The following NFRKB variants were observed in gnomAD, a reference collection of about 807,000 sequenced individuals.
NFRKB encodes nuclear factor related to kappaB binding protein.
In NFRKB, 62 loss-of-function variants were observed where a neutral mutation model predicts 135.7. The observed-to-expected ratio is 0.46, with a 90% CI of 0.37 to 0.56. NFRKB has a LOEUF of 0.56. Among genes scored for constraint, NFRKB ranks in the 20% least tolerant of loss-of-function variants. The pLI is 0.00. For missense variants in NFRKB, 1,545 were observed against 1,662.0 expected (o/e 0.93, Z 1.22); for synonymous variants, 678 against 635.6 (o/e 1.07, Z -1.00).
At position 129,878,310 on chromosome 11, in the gene NFRKB, C is replaced by A; in HGVS notation, c.1510G>T (p.Val504Leu). The A allele has an allele frequency of 6.2e-7, 1 of 1,614,178 alleles. No homozygotes were observed. Among genetic ancestry groups the A allele is most frequent in the Non-Finnish European group, 8.5e-7 (1 of 1,180,024 alleles). The stretch of plus-strand genomic sequence containing the variant: ...CCACCACTACAGTATTGTACTCACA[C>A]CCGAGGGACAGGTGTTGTGGCATCT... The part of the protein sequence containing the change: ...SSDATTPVPR[V>L]RTDYVVRPST... Residue 504 changes from valine to leucine, a missense_variant and splice_region_variant, in exon 15 of 27, where the codon GTA (valine) becomes TTA (leucine). Around this residue, in one of 3 missense-constraint regions of NFRKB, gnomAD observed 678 missense variants for 646.7 expected, o/e 1.05. Coordinates refer to ENST00000682444, the MANE Select transcript of NFRKB (RefSeq NM_001143835.2).
intron 15 of NFRKB, among the ~76,000 whole-genome samples, chr11:129,877,665 AG>A (rs1159855795): frequency 6.6e-6 from 1 of 152,184 alleles, no homozygotes; most frequent in African/African-American, 2.4e-5. Context: ...GCTGTTAAGT[AG>A]GTCCGTTCTA....
rs779467487 is a variant in NFRKB at position 129,882,432 on chromosome 11, A to T, written c.1082+19T>A. 8.1e-6 allele frequency: 13 copies of T among 1,610,158 alleles called. No homozygotes were observed. Among genetic ancestry groups the T allele is most frequent in the Non-Finnish European group, 1.0e-5 (12 of 1,178,426 alleles). On this transcript the variant is annotated intron_variant, in intron 10 of 26. Transcript: ENST00000682444. ...ACCCATTCACCCTGAGAATTACAGA[A>T]TCTCTGTTGCTCACTTACTCTTCCT... is the stretch of plus-strand genomic sequence containing the variant.
chr11:129,885,626 T>G lies in NFRKB; in HGVS notation c.466-17A>C, dbSNP rs997906581. The G allele has an allele frequency of 6.3e-7, 1 of 1,595,694 alleles. No individual in the cohort carries two copies. Among genetic ancestry groups the G allele is most frequent in the Non-Finnish European group, 8.6e-7 (1 of 1,167,434 alleles). ...CAGCAGATCCTAGGTAGAGATCAGG[T>G]GGGGGTACAAGTCATCATCCAAGAC... On this transcript the variant is annotated splice_polypyrimidine_tract_variant and intron_variant, in intron 5 of 26. Coordinates refer to ENST00000682444, the MANE Select transcript of NFRKB (RefSeq NM_001143835.2).
rs557873701 is a variant in NFRKB at position 129,878,187 on chromosome 11, G to A, written c.1511+122C>T. The A allele has an allele frequency of 1.4e-5, 14 of 974,210 alleles. No individual in the cohort carries two copies. The East Asian group carries it at 2.7e-4, about 19-fold the overall frequency. The allele number at this position is 974,210 out of a possible 1,614,324, so 60.3% of individuals were successfully genotyped here. On this transcript the variant is annotated intron_variant, in intron 15 of 26. Transcript: ENST00000682444. Reference sequence around the variant, plus strand: ...GCGGCCAAGTCAGGAAGAACCAGGGGACTCCTCAGAGCTCTGAAGCCCATT... The same window carrying A: ...GCGGCCAAGTCAGGAAGAACCAGGGAACTCCTCAGAGCTCTGAAGCCCATT...
intron 1 of NFRKB, among the ~76,000 whole-genome samples, chr11:129,894,899 AG>A (rs1949705424): frequency 6.6e-6 from 1 of 152,270 alleles, no homozygotes; most frequent in Admixed American, 6.5e-5. Context: ...GCCTCTTAGG[AG>A]GTCTCTATAC....
chr11:129,893,875 T>G, intron 2 of NFRKB: 1 of 152,230 alleles, frequency 6.6e-6, no homozygotes, highest in East Asian at 1.9e-4. Flanking sequence ...ACAATACCTC[T>G]TGTATAACCT....
At chr11:129,893,509 G>A (rs1205175376) in intron 2 of NFRKB, 5 of 194,398 alleles carry the variant, frequency 2.6e-5, no homozygotes, top group Admixed American at 1.0e-4. Flanking sequence ...ACAATAAGCC[G>A]TGATCACGCT....
chr11:129,889,718 G>A (rs79908329), intron 3 of NFRKB, among the ~76,000 whole-genome samples: 216 of 151,344 alleles, frequency 1.4e-3, no homozygotes, highest in East Asian at 6.6e-3. Flanking sequence ...ACCAAAAAAC[G>A]GTTAAGACAG....
intron 3 of NFRKB, among the ~76,000 whole-genome samples, chr11:129,889,951 CGT>C (rs56216860): frequency 0.03 from 4,115 of 135,272 alleles, 169 homozygotes; most frequent in African/African-American, 0.098. Flanking sequence ...TATTGTCTTA[CGT>C]GTGTGTGTGT....
At chr11:129,879,461 C>T (rs570537331) in intron 13 of NFRKB, among the ~76,000 whole-genome samples, 65 of 152,294 alleles carry the variant, frequency 4.3e-4, no homozygotes, top group Non-Finnish European at 7.2e-4. Flanking sequence ...ACGGTGGCTT[C>T]GCCTCCACCG....
rs531846315 is a variant in NFRKB at position 129,882,360 on chromosome 11, C to T, written c.1082+91G>A. 49 of 1,464,722 alleles carry T rather than the reference C, an allele frequency of 3.3e-5. No homozygotes were observed. The East Asian group carries it at 5.7e-4, about 17-fold the overall frequency. 90.7% of individuals were successfully genotyped at this position (1,464,722 alleles called of 1,614,324 possible). On this transcript the variant is annotated intron_variant, in intron 10 of 26. Transcript: ENST00000682444. ...ACTTCAGGTCTACAAGTCCAACATA[C>T]TTACAGCTACGACAAGCCCTAGGGG...
At chr11:129,876,611 C>G in intron 17 of NFRKB, 110 bp downstream of exon 17, 1 of 1,267,282 alleles carries the variant, frequency 7.9e-7, no homozygotes, top group Non-Finnish European at 1.1e-6. Context: ...GCCTTGTTCT[C>G]AAAGCCTACC....
intron 7 of NFRKB, among the ~76,000 whole-genome samples, chr11:129,884,452 T>C (rs1360656407): frequency 1.3e-5 from 2 of 152,236 alleles, no homozygotes; most frequent in African/African-American, 4.8e-5. Flanking sequence ...GTTATTCCTT[T>C]GTCCGCTTAC....
At chr11:129,883,082 A>G (rs1466891398) in intron 9 of NFRKB, 40 bp downstream of exon 9, 4 of 1,588,048 alleles carry the variant, frequency 2.5e-6, no homozygotes, top group Non-Finnish European at 2.6e-6. Context: ...ACTTAACACC[A>G]TAGTCAGATG....
At chr11:129,883,339 G>A (rs1949120090) in intron 8 of NFRKB, 133 bp from the exon 9 acceptor site, 4 of 658,618 alleles carry the variant, frequency 6.1e-6, no homozygotes, top group Non-Finnish European at 8.2e-6. Flanking sequence ...AATATAGAGA[G>A]ATAAAACTAT....
Position 129,869,912 on chromosome 11 carries a change from C to T in NFRKB, c.3113G>A (p.Gly1038Asp). The T allele has an allele frequency of 6.2e-7, 1 of 1,614,222 alleles. No homozygotes were observed. The highest frequency in any genetic ancestry group is 8.5e-7 in the Non-Finnish European group (1 of 1,180,042). The change falls in exon 24 of 27, where the codon GGT (glycine) becomes GAT (aspartate). Residue 1038 changes from glycine to aspartate, a missense_variant. This residue lies in a region of NFRKB where 753 missense variants were observed against 804.3 expected (regional missense o/e 0.94). Coordinates refer to ENST00000682444, the MANE Select transcript of NFRKB (RefSeq NM_001143835.2). ...SASAPSSTPT[G>D]TTVVKVTPDL... ...AGGAGTCACTTTGACCACAGTGGTA[C>T]CTGTTGGAGTGGATGAAGGGGCACT...
intron 8 of NFRKB, 92 bp from the exon 9 acceptor site, chr11:129,883,298 G>T: frequency 1.2e-6 from 1 of 858,558 alleles, no homozygotes; most frequent in Non-Finnish European, 2.0e-6. Context: ...TTAGATGTTA[G>T]GTACACTTGG....
rs145520106 is a variant in NFRKB, at chr11:129,872,965, C to G, written c.2682G>C (p.Thr894=). ...TGGGAGCAGAGGTCCCAGGAGAACT[C>G]GTGGCTGGCTTACTCACAGGGCTGG... is the stretch of plus-strand genomic sequence containing the variant. ...ATASPVSKPA[T]SSPGTSAPSA... The change falls in exon 23 of 27, where the codon ACG becomes ACC. Residue 894 remains threonine (T), a synonymous_variant. Transcript: ENST00000682444. 6.8e-4 allele frequency: 1,097 copies of G among 1,614,150 alleles called. 4 individuals carry two copies. Among genetic ancestry groups the G allele is most frequent in the South Asian group, 4.2e-3 (380 of 91,082 alleles).
At position 129,876,787 on chromosome 11, in the gene NFRKB, T is replaced by A. The variant is rs762371470; in HGVS notation, c.1681A>T (p.Asn561Tyr). The change falls in exon 17 of 27, where the codon AAC becomes TAC. Residue 561 changes from asparagine (N) to tyrosine (Y), a missense_variant. Coordinates refer to ENST00000682444, the MANE Select transcript of NFRKB (RefSeq NM_001143835.2). ...AGCAGGGAGTGCTCCCGAGCCTTGT[T>A]GAGCGAGGTCTCCTTGTCAAACACG... ...KGVFDKETSLNKAREHSLLRS... is the reference protein window; with the variant it reads ...KGVFDKETSLYKAREHSLLRS... 1 of 1,614,158 alleles carries A rather than the reference T, an allele frequency of 6.2e-7. No homozygotes were observed. The highest frequency in any genetic ancestry group is 1.7e-5 in the Admixed American group (1 of 60,018).
Sources: gnomAD v4.1 joint callset for allele counts (sites outside exome capture counted in the v4.1 genomes callset) on GRCh38, gnomAD v4.1.1 for gene constraint, gnomAD v4.1.1 regional missense constraint, MANE v1.5 for transcripts, NCBI Gene and HGNC (gene_info 2026-07-23, HGNC 2026-07-21) for gene names.